Variants in PSD3 observed in about 807,000 individuals in gnomAD.
The protein encoded by PSD3 is pleckstrin and Sec7 domain containing 3, also known as PH and SEC7 domain-containing protein 3.
PSD3 carries 49 observed loss-of-function variants against 105.5 expected under a neutral mutation model. The observed-to-expected ratio is 0.46, with a 90% confidence interval of 0.37 to 0.59. PSD3 has a LOEUF of 0.59. Among genes scored for constraint, PSD3 ranks in the 20% least tolerant of loss-of-function variants. The pLI is 0.00. For synonymous variants in PSD3, 557 were observed against 457.8 expected, an observed-to-expected ratio of 1.22 and a Z score of -2.77; for missense variants, 1,561 against 1,263.8, an observed-to-expected ratio of 1.24 and a Z score of -3.57.
At chr8:18,589,124 T>C (rs908371256) in intron 12 of PSD3, among the ~76,000 whole-genome samples, 1 of 152,150 alleles carries the variant, frequency 6.6e-6, no homozygotes, top group African/African-American at 2.4e-5. Flanking sequence ...AAAGGACCAG[T>C]GTGGGCCCAG....
intron 11 of PSD3, among the ~76,000 whole-genome samples, chr8:18,625,967 A>G (rs967012843): frequency 6.6e-6 from 1 of 152,104 alleles, no homozygotes; most frequent in Non-Finnish European, 1.5e-5. Flanking sequence ...GTTACATCAT[A>G]TTGAGAAAAC....
At chr8:18,599,309 A>G (rs1804262679) in intron 12 of PSD3, among the ~76,000 whole-genome samples, 1 of 152,212 alleles carries the variant, frequency 6.6e-6, no homozygotes, top group African/African-American at 2.4e-5. Context: ...CAGGTATAAA[A>G]TGGTACATTG....
chr8:18,934,463 T>G (rs906026056), intron 2 of PSD3, among the ~76,000 whole-genome samples: 1 of 152,088 alleles, frequency 6.6e-6, no homozygotes, highest in African/African-American at 2.4e-5. Context: ...CAGGCTGGAG[T>G]GCAGTGGCGT....
intron 15 of PSD3, among the ~76,000 whole-genome samples, chr8:18,542,071 G>A (rs771128310): frequency 3.3e-5 from 5 of 152,026 alleles, no homozygotes; most frequent in Non-Finnish European, 5.9e-5. Context: ...CTCTTACGTA[G>A]TAGTACATGA....
rs887489343 is a variant in PSD3, at chr8:18,801,288, C to A, written c.2005G>T (p.Asp669Tyr). Reference protein sequence around the residue: ...FSNRYFYCNPDTIASQDGVHC... With the variant: ...FSNRYFYCNPYTIASQDGVHC... ...AGATTACCTTGTGAAGCAATGGTAT[C>A]TGGGTTACAATAAAAATATCTATTG... Residue 669 changes from aspartate (D) to tyrosine (Y), a missense_variant, in exon 7 of 16, where the codon GAT becomes TAT. Physicochemically the swap from Asp to Tyr is radical, Grantham distance 160. Coordinates refer to ENST00000327040, the MANE Select transcript of PSD3 (RefSeq NM_015310.4). 6.3e-7 allele frequency: 1 copy of A among 1,590,376 alleles called. No individual in the cohort carries two copies. The highest frequency in any genetic ancestry group is 1.3e-5 in the African/African-American group (1 of 74,382).
chr8:18,867,745 G>C lies in PSD3; in HGVS notation c.1563C>G (p.Val521=). 6.2e-7 allele frequency: 1 copy of C among 1,614,078 alleles called. No homozygotes were observed. Among genetic ancestry groups the C allele is most frequent in the South Asian group, 1.1e-5 (1 of 91,074 alleles). Residue 521 remains valine (V), a synonymous_variant, in exon 4 of 16, where the codon GTC becomes GTG. Coordinates refer to ENST00000327040, the MANE Select transcript of PSD3 (RefSeq NM_015310.4). ...CGCTGGCATCATTCAGCCCATTGGT[G>C]ACGCCACTAGAATAGCCCATCACGA... is the stretch of plus-strand genomic sequence containing the variant. ...GGIVMGYSSG[V]TNGLNDASDS...
At chr8:18,863,406 C>T (rs1056574184) in intron 4 of PSD3, among the ~76,000 whole-genome samples, 5 of 152,120 alleles carry the variant, frequency 3.3e-5, no homozygotes, top group East Asian at 1.9e-4. Flanking sequence ...CGCTGACCCC[C>T]GGTCAGCCTG....
At chr8:18,538,191 G>A (rs1799943906) in intron 15 of PSD3, among the ~76,000 whole-genome samples, 1 of 152,120 alleles carries the variant, frequency 6.6e-6, no homozygotes, top group Non-Finnish European at 1.5e-5. Flanking sequence ...ATATCCTATG[G>A]GTTAAACCAC....
intron 9 of PSD3, among the ~76,000 whole-genome samples, chr8:18,752,343 T>G (rs1343660548): frequency 6.8e-6 from 1 of 147,758 alleles, no homozygotes; most frequent in African/African-American, 2.5e-5. Context: ...ACACTAGGTA[T>G]GAGGCATACT....
In PSD3 at chr8:18,607,683, C is replaced by CAAAAAAAAAAAAAAAAAAAAAAAA. The variant is rs755375836; in HGVS notation, c.2411-7250_2411-7249insTTTTTTTTTTTTTTTTTTTTTTTT. Among the ~76,000 whole-genome samples, 3 of 81,332 alleles carry CAAAAAAAAAAAAAAAAAAAAAAAA rather than the reference C, an allele frequency of 3.7e-5. 1 individual carries two copies. The highest frequency in any genetic ancestry group is 5.3e-5 in the African/African-American group (1 of 18,818). The allele number at this position is 81,332 out of a possible 152,430, so 53.4% of individuals were successfully genotyped here. A position where few individuals can be genotyped will look rare whatever the true frequency, so the allele number is the denominator to read the frequency against. Reference sequence around the variant, plus strand: ...AGCATATAACAAGACTCCACTGCTACAAAAAAAAAAAACAAAACAAAAAAA... The same window carrying CAAAAAAAAAAAAAAAAAAAAAAAA: ...AGCATATAACAAGACTCCACTGCTACAAAAAAAAAAAAAAAAAAAAAAAAAAAAAAAAAAAACAAAACAAAAAAA... On this transcript the variant is annotated intron_variant, in intron 11 of 15. Transcript: ENST00000327040.
chr8:18,846,213 T>C lies in PSD3; in HGVS notation c.1634+21461A>G, dbSNP rs184313367. ...AGTAGCAATACAAATGTTTTGATTG[T>C]GATATCATTACCAAGAAGGCAAAGG... is the stretch of plus-strand genomic sequence containing the variant. On this transcript the variant is annotated intron_variant, in intron 4 of 15. Transcript: ENST00000327040. Among the ~76,000 whole-genome samples, 175 of 152,292 alleles carry C rather than the reference T, an allele frequency of 1.1e-3. 2 individuals carry two copies. Among genetic ancestry groups the C allele is most frequent in the African/African-American group, 4.1e-3 (172 of 41,560 alleles).
At chr8:19,081,641 G>C (rs182496318) in intron 1 of PSD3, among the ~76,000 whole-genome samples, 4 of 152,192 alleles carry the variant, frequency 2.6e-5, no homozygotes, top group South Asian at 4.1e-4. Flanking sequence ...TTTTACTAAA[G>C]CCTGGTCATA....
chr8:18,699,257 G>A lies in PSD3; in HGVS notation c.2173-43572C>T, dbSNP rs150069559. 4.6e-5 allele frequency among the ~76,000 whole-genome samples: 7 copies of A among 152,242 alleles called. No individual in the cohort carries two copies. In the South Asian group the frequency reaches 6.2e-4, roughly 14 times the overall value. ...AATACAGAAAAATTCATAAGTCCCC[G>A]AAGATGATGATGCCACAAAATGGAA... On this transcript the variant is annotated intron_variant, in intron 9 of 15. Coordinates refer to ENST00000327040, the MANE Select transcript of PSD3 (RefSeq NM_015310.4).
At chr8:18,799,113 C>A (rs574709760) in intron 8 of PSD3, 182 bp downstream of exon 8, 2 of 569,864 alleles carry the variant, frequency 3.5e-6, no homozygotes, top group South Asian at 2.0e-5. Flanking sequence ...TAAAGTCATA[C>A]TCTGTGCTAG....
intron 14 of PSD3, among the ~76,000 whole-genome samples, chr8:18,564,884 G>C (rs894692181): frequency 6.6e-6 from 1 of 152,110 alleles, no homozygotes; most frequent in Non-Finnish European, 1.5e-5. Context: ...CTTTGCTTCT[G>C]ATCAGTATCC....
intron 9 of PSD3, among the ~76,000 whole-genome samples, chr8:18,678,684 G>A (rs1800205054): frequency 2.2e-5 from 1 of 46,476 alleles, no homozygotes; most frequent in Non-Finnish European, 4.2e-5. Context: ...GGTGGCGCAT[G>A]CCTGTAATCC....
At chr8:18,579,049 A>C (rs1303219322) in intron 12 of PSD3, among the ~76,000 whole-genome samples, 1 of 151,306 alleles carries the variant, frequency 6.6e-6, no homozygotes, top group Admixed American at 6.6e-5. Context: ...CAAACCTTAA[A>C]ATATTTTCAG....
chr8:18,758,215 G>A (rs1182413575), intron 9 of PSD3, among the ~76,000 whole-genome samples: 1 of 152,060 alleles, frequency 6.6e-6, no homozygotes. Context: ...GCGATAATCA[G>A]GAAGTAAAGA....
At chr8:19,078,697 A>AG (rs1829539695) in intron 1 of PSD3, among the ~76,000 whole-genome samples, 1 of 152,030 alleles carries the variant, frequency 6.6e-6, no homozygotes, top group Non-Finnish European at 1.5e-5. Context: ...AGTGGGTACC[A>AG]GCCCACATCA....
Sources: gnomAD v4.1 joint callset for allele counts (sites outside exome capture counted in the v4.1 genomes callset) on GRCh38, gnomAD v4.1.1 for gene constraint, MANE v1.5 for transcripts, NCBI Gene and HGNC (gene_info 2026-07-23, HGNC 2026-07-21) for gene names.